Variants in COBL observed in about 807,000 individuals in gnomAD.
COBL encodes the protein cordon-bleu WH2 repeat protein, also known as protein cordon-bleu.
Under a neutral mutation model 98.8 loss-of-function variants are expected in COBL, and 51 were observed. The observed-to-expected ratio is 0.52, with a 90% CI of 0.41 to 0.65. The LOEUF (loss-of-function observed/expected upper bound fraction) is 0.65, where lower values mean the gene tolerates loss of function less well. Among genes scored for constraint, COBL ranks in the 30% least tolerant of loss-of-function variants. The pLI is 0.00. For missense variants in COBL, 1,617 were observed against 1,617.5 expected (o/e 1.00, Z 0.01); for synonymous variants, 634 against 651.7 (o/e 0.97, Z 0.41).
In COBL at chr7:51,208,239, G is replaced by A. The variant is rs868555571; in HGVS notation, c.245+11502C>T. On this transcript the variant is annotated intron_variant, in intron 2 of 12. Transcript: ENST00000265136. ...TGAGGAGCCCCTCCGCCCGGCAGCC[G>A]CCCCGTCTGAGAAGTGAGGAGCCCC... 7.5e-3 allele frequency among the ~76,000 whole-genome samples: 1,068 copies of A among 142,430 alleles called. 10 individuals are homozygous for A. The highest frequency in any genetic ancestry group is 0.026 in the African/African-American group (998 of 38,320). The allele number at this position is 142,430 out of a possible 152,430, so 93.4% of individuals were successfully genotyped here. A position where few individuals can be genotyped will look rare whatever the true frequency, so the allele number is the denominator to read the frequency against.
chr7:51,070,023 T>C (rs1462817340), intron 7 of COBL, among the ~76,000 whole-genome samples: 1 of 152,148 alleles, frequency 6.6e-6, no homozygotes. Flanking sequence ...TGCAGCTTCG[T>C]TCACGTAATA....
chr7:51,264,189 G>T (rs1333359939), intron 1 of COBL, among the ~76,000 whole-genome samples: 1 of 152,136 alleles, frequency 6.6e-6, no homozygotes, highest in Non-Finnish European at 1.5e-5. Flanking sequence ...GGCAAGGAAG[G>T]ATGGGTGCAA....
chr7:51,243,708 G>A (rs1796023526), intron 1 of COBL, among the ~76,000 whole-genome samples: 1 of 152,192 alleles, frequency 6.6e-6, no homozygotes, highest in Non-Finnish European at 1.5e-5. Context: ...AAAAATCATA[G>A]CAATGGAAAA....
In COBL at chr7:51,159,343, G is replaced by T. The variant is rs1786546470; in HGVS notation, c.784-23012C>A. On this transcript the variant is annotated intron_variant, in intron 5 of 12. Coordinates refer to ENST00000265136, the MANE Select transcript of COBL (RefSeq NM_015198.5). ...GGCGACAGACGCTATGAGGGTTGCA[G>T]GTGGAGTGGGAGAGCAAAGGGGGCA... is the stretch of plus-strand genomic sequence containing the variant. Among the ~76,000 whole-genome samples the T allele has an allele frequency of 3.9e-5, 6 of 152,316 alleles. No individual in the cohort carries two copies. In the South Asian group the frequency reaches 1.2e-3, roughly 32 times the overall value.
intron 2 of COBL, among the ~76,000 whole-genome samples, chr7:51,194,875 T>C (rs1301466380): frequency 6.6e-6 from 1 of 152,182 alleles, no homozygotes; most frequent in Non-Finnish European, 1.5e-5. Context: ...TGTTTTTTTT[T>C]CTTGTAAATT....
intron 5 of COBL, among the ~76,000 whole-genome samples, chr7:51,171,731 T>C (rs1787894581): frequency 6.6e-6 from 1 of 152,222 alleles, no homozygotes; most frequent in South Asian, 2.1e-4. Context: ...AAATAAAAAA[T>C]ATAACTTAGA....
chr7:51,293,791 G>A (rs1390861224), intron 1 of COBL, among the ~76,000 whole-genome samples: 2 of 152,118 alleles, frequency 1.3e-5, no homozygotes, highest in Non-Finnish European at 2.9e-5. Flanking sequence ...TGGCTACAAG[G>A]CAGGCTGTCC....
intron 1 of COBL, among the ~76,000 whole-genome samples, chr7:51,281,367 C>T (rs552166295): frequency 1.3e-5 from 2 of 152,212 alleles, no homozygotes; most frequent in East Asian, 3.9e-4. Context: ...TAATGTGGTA[C>T]ACAAAACATA....
At chr7:51,033,327 T>C (rs776736687) in intron 8 of COBL, 4 of 152,198 alleles carry the variant, frequency 2.6e-5, no homozygotes, top group African/African-American at 9.7e-5. Context: ...GGAAACCCTA[T>C]AGAAGGAAAA....
At chr7:51,160,277 T>A (rs150790566) in intron 5 of COBL, among the ~76,000 whole-genome samples, 1 of 152,306 alleles carries the variant, frequency 6.6e-6, no homozygotes, top group Non-Finnish European at 1.5e-5. Context: ...TTTCCAATAG[T>A]TGATAGGAGT....
intron 5 of COBL, among the ~76,000 whole-genome samples, chr7:51,137,108 A>C (rs1251265492): frequency 2.0e-5 from 3 of 152,196 alleles, no homozygotes; most frequent in East Asian, 1.9e-4. Context: ...ACTGAAAACA[A>C]GATGGTACCA....
At chr7:51,203,239 G>T (rs1384583239) in intron 2 of COBL, among the ~76,000 whole-genome samples, 3 of 140,322 alleles carry the variant, frequency 2.1e-5, no homozygotes, top group Non-Finnish European at 4.5e-5. Context: ...GAGGCGGGCG[G>T]ATCACGAGGT....
chr7:51,056,867 G>A (rs1239014103), intron 7 of COBL, among the ~76,000 whole-genome samples: 3 of 145,712 alleles, frequency 2.1e-5, no homozygotes, highest in African/African-American at 7.6e-5. Flanking sequence ...AACCATCATA[G>A]TAGTCCCTCC....
intron 7 of COBL, among the ~76,000 whole-genome samples, chr7:51,066,472 T>A (rs923858687): frequency 3.3e-5 from 5 of 152,198 alleles, no homozygotes; most frequent in Non-Finnish European, 7.4e-5. Flanking sequence ...AAGCAGGTGC[T>A]TGGGACCAGA....
At chr7:51,156,420 G>C (rs1434585588) in intron 5 of COBL, 1 of 985,124 alleles carries the variant, frequency 1.0e-6, no homozygotes, top group Non-Finnish European at 1.2e-6. Flanking sequence ...TCTTCTGAAG[G>C]AGACATCAGG....
intron 1 of COBL, among the ~76,000 whole-genome samples, chr7:51,293,502 C>T (rs1801106889): frequency 6.6e-6 from 1 of 152,058 alleles, no homozygotes; most frequent in Non-Finnish European, 1.5e-5. Flanking sequence ...ATAAATAAAA[C>T]AGATCAATGG....
chr7:51,189,194 T>C (rs913138314), intron 4 of COBL, among the ~76,000 whole-genome samples: 17 of 152,202 alleles, frequency 1.1e-4, no homozygotes, highest in African/African-American at 3.6e-4. Flanking sequence ...ATGTATCTTA[T>C]ACTCAACTGA....
At chr7:51,170,604 TA>T (rs890436494) in intron 5 of COBL, among the ~76,000 whole-genome samples, 1 of 149,868 alleles carries the variant, frequency 6.7e-6, no homozygotes, top group African/African-American at 2.4e-5. Context: ...AATTTAGCCT[TA>T]AAAAAGAAAA....
At chr7:51,270,864 T>C (rs1798691876) in intron 1 of COBL, among the ~76,000 whole-genome samples, 2 of 152,340 alleles carry the variant, frequency 1.3e-5, no homozygotes, top group South Asian at 4.1e-4. Context: ...AATCAGATTT[T>C]AGAAATTTGC....
Sources: allele counts gnomAD v4.1 joint callset (sites outside exome capture counted in the v4.1 genomes callset), GRCh38; gene constraint gnomAD v4.1.1; transcripts MANE v1.5; gene names NCBI Gene and HGNC (gene_info 2026-07-23, HGNC 2026-07-21).